ICA1L: variants seen among roughly 807,000 people sequenced by gnomAD.
The protein encoded by ICA1L is islet cell autoantigen 1 like, also known as islet cell autoantigen 1-like protein.
In ICA1L, 50 loss-of-function variants were observed where a neutral mutation model predicts 61.3. The ratio of observed to expected loss-of-function variants is 0.82; its 90% CI spans 0.65 to 1.03. The LOEUF (loss-of-function observed/expected upper bound fraction) is 1.03. ICA1L is among the 50% of genes least tolerant of loss of function. The probability of loss-of-function intolerance (pLI) is 0.00; values close to 1 mark genes in which losing one functional copy is unlikely to be tolerated. For synonymous variants in ICA1L, 161 were observed against 191.3 expected, an observed-to-expected ratio of 0.84 and a Z score of 1.31; for missense variants, 508 against 556.7, an observed-to-expected ratio of 0.91 and a Z score of 0.88.
chr2:202,828,586 G>C (rs1211428875), intron 2 of ICA1L, among the ~76,000 whole-genome samples: 1 of 152,130 alleles, frequency 6.6e-6, no homozygotes, highest in African/African-American at 2.4e-5. Flanking sequence ...TTAAGACTTA[G>C]CTTGAAAACT....
Position 202,815,930 on chromosome 2 carries a change from T to C in ICA1L, c.764A>G (p.Tyr255Cys). The C allele has an allele frequency of 1.3e-6, 2 of 1,592,106 alleles. No individual in the cohort carries two copies. Among genetic ancestry groups the C allele is most frequent in the Non-Finnish European group, 1.7e-6 (2 of 1,170,572 alleles). Residue 255 changes from tyrosine to cysteine, a missense_variant, in exon 7 of 13, where the codon TAT (tyrosine) becomes TGT (cysteine). By Grantham distance (194) the Tyr-to-Cys change is radical. Coordinates refer to ENST00000358299, the MANE Select transcript of ICA1L (RefSeq NM_001288622.3). Reference sequence around the variant, plus strand: ...ATGTACCTTGAGAGCTACAAAATCATACGGATGAAAGCCAATACAGGCTTC... The same window carrying C: ...ATGTACCTTGAGAGCTACAAAATCACACGGATGAAAGCCAATACAGGCTTC... ...IHEACIGFHP[Y>C]DFVALKQLQD...
rs1336066562 is a variant in ICA1L, at chr2:202,775,714, T to A, written c.*3819A>T. 1 of 152,262 alleles carries A rather than the reference T, an allele frequency of 6.6e-6. No homozygotes were observed. Among genetic ancestry groups the A allele is most frequent in the African/African-American group, 2.4e-5 (1 of 41,460 alleles). The allele number at this position is 152,262 out of a possible 1,614,324, so 9.4% of individuals were successfully genotyped here. A position where few individuals can be genotyped will look rare whatever the true frequency, so the allele number is the denominator to read the frequency against. ...TTATATTTTTCATAGAGATGGGGTT[T>A]CACCATGTTGGCCAGGGTGGTCTCA... On this transcript the variant is annotated 3_prime_UTR_variant, in exon 13 of 13. Coordinates refer to ENST00000358299, the MANE Select transcript of ICA1L (RefSeq NM_001288622.3).
chr2:202,778,826 G>A lies in ICA1L; in HGVS notation c.*707C>T, dbSNP rs1227996210. 6.6e-6 allele frequency: 1 copy of A among 152,632 alleles called. No individual in the cohort carries two copies. Among genetic ancestry groups the A allele is most frequent in the South Asian group, 2.1e-4 (1 of 4,822 alleles). 9.5% of individuals were successfully genotyped at this position (152,632 alleles called of 1,614,324 possible). On this transcript the variant is annotated 3_prime_UTR_variant, in exon 13 of 13. Coordinates refer to ENST00000358299, the MANE Select transcript of ICA1L (RefSeq NM_001288622.3). Reference sequence around the variant, plus strand: ...GAAGATAGATTTTTCTGTTTCTGCAGAGGATGGGCTTAGCAAATTAATTAT... The same window carrying A: ...GAAGATAGATTTTTCTGTTTCTGCAAAGGATGGGCTTAGCAAATTAATTAT...
At position 202,774,187 on chromosome 2, in the gene ICA1L, C is replaced by G; in HGVS notation, c.*5346G>C. ...TGAGCGGCTTCTTGGAGAGCGGGCA[C>G]ACCAGGAACTCCAGCAGCGCCGGAT... On this transcript the variant is annotated 3_prime_UTR_variant, in exon 13 of 13. Coordinates refer to ENST00000358299, the MANE Select transcript of ICA1L (RefSeq NM_001288622.3). 19 of 1,550,932 alleles carry G rather than the reference C, an allele frequency of 1.2e-5. No individual in the cohort carries two copies. Among genetic ancestry groups the G allele is most frequent in the Non-Finnish European group, 1.7e-5 (19 of 1,146,474 alleles).
intron 1 of ICA1L, among the ~76,000 whole-genome samples, chr2:202,857,005 T>TGCAAAGATACAAACAAA (rs1694786648): frequency 2.0e-5 from 3 of 152,188 alleles, no homozygotes; most frequent in Admixed American, 6.5e-5. Context: ...TGCAAAGACA[T>TGCAAAGATACAAACAAA]TCCAAGCTCA....
At chr2:202,797,116 T>C (rs1295129090) in intron 9 of ICA1L, 152 bp from the exon 10 acceptor site, 3 of 484,874 alleles carry the variant, frequency 6.2e-6, no homozygotes, top group Middle Eastern at 5.7e-4. Context: ...AATAATCTTA[T>C]ATATAAAAAT....
intron 1 of ICA1L, among the ~76,000 whole-genome samples, chr2:202,863,381 G>A (rs1164988672): frequency 6.6e-6 from 1 of 151,920 alleles, no homozygotes; most frequent in Non-Finnish European, 1.5e-5. Context: ...ACCCCAAGTA[G>A]AAGAAATAAA....
intron 1 of ICA1L, chr2:202,841,011 T>C (rs759084598): frequency 7.5e-6 from 5 of 669,414 alleles, no homozygotes; most frequent in Admixed American, 5.4e-5. Flanking sequence ...GATGATGCTG[T>C]CCATGTCCAG....
In ICA1L at chr2:202,844,528, C is replaced by T. The variant is rs756469069; in HGVS notation, c.-7-15512G>A. On this transcript the variant is annotated intron_variant, in intron 1 of 12. Transcript: ENST00000358299. ...GTGAGAGCCAAATAATCTTCATAACCGAGCACTAAAATTAAATTCAACAAG... is the reference window on the plus strand; with the variant it reads ...GTGAGAGCCAAATAATCTTCATAACTGAGCACTAAAATTAAATTCAACAAG... The T allele has an allele frequency of 3.9e-5, 6 of 152,170 alleles. No homozygotes were observed. In the East Asian group the frequency reaches 5.8e-4, roughly 15 times the overall value. The allele number at this position is 152,170 out of a possible 1,614,324, so 9.4% of individuals were successfully genotyped here. A position where few individuals can be genotyped will look rare whatever the true frequency, so the allele number is the denominator to read the frequency against.
intron 1 of ICA1L, among the ~76,000 whole-genome samples, chr2:202,847,681 ATAT>A (rs1439589353): frequency 7.2e-6 from 1 of 139,572 alleles, no homozygotes; most frequent in African/African-American, 2.5e-5. Context: ...TTAGAATGAA[ATAT>A]TATATGGGAA....
chr2:202,846,890 G>C (rs181689012), intron 1 of ICA1L, among the ~76,000 whole-genome samples: 15 of 152,302 alleles, frequency 9.8e-5, no homozygotes, highest in African/African-American at 3.4e-4. Context: ...TAAATCACAT[G>C]AACTTTATTT....
chr2:202,835,594 C>T (rs140660549), intron 1 of ICA1L, among the ~76,000 whole-genome samples: 53 of 151,070 alleles, frequency 3.5e-4, no homozygotes, highest in Admixed American at 1.1e-3. Flanking sequence ...TTACCCAGGC[C>T]GGAGTGCAAT....
At chr2:202,855,444 T>C (rs1182066491) in intron 1 of ICA1L, among the ~76,000 whole-genome samples, 1 of 151,824 alleles carries the variant, frequency 6.6e-6, no homozygotes, top group African/African-American at 2.4e-5. Flanking sequence ...AAAAAAATAA[T>C]AAAGGGATAT....
chr2:202,824,157 C>T (rs1368512113), intron 3 of ICA1L, among the ~76,000 whole-genome samples: 1 of 152,074 alleles, frequency 6.6e-6, no homozygotes, highest in African/African-American at 2.4e-5. Context: ...AATCCCAACA[C>T]TTTGGGAGGC....
intron 1 of ICA1L, among the ~76,000 whole-genome samples, chr2:202,856,969 A>C (rs578078671): frequency 6.6e-6 from 1 of 152,354 alleles, no homozygotes; most frequent in Admixed American, 6.5e-5. Context: ...CCACTGCTCA[A>C]GGAAATAAGA....
intron 6 of ICA1L, among the ~76,000 whole-genome samples, chr2:202,816,696 C>A (rs1406690161): frequency 6.6e-6 from 1 of 152,198 alleles, no homozygotes; most frequent in Non-Finnish European, 1.5e-5. Flanking sequence ...CTGAAATAGG[C>A]AGACTCCCTA....
chr2:202,802,195 A>G (rs1693103394), intron 9 of ICA1L, among the ~76,000 whole-genome samples: 1 of 152,244 alleles, frequency 6.6e-6, no homozygotes, highest in East Asian at 1.9e-4. Context: ...CGATGTATAC[A>G]TTAAACAGTA....
In ICA1L at chr2:202,788,837, C is replaced by T. The variant is rs771516458; in HGVS notation, c.1236G>A (p.Ala412=). 6.2e-6 allele frequency: 10 copies of T among 1,613,776 alleles called. No homozygotes were observed. Among genetic ancestry groups the T allele is most frequent in the East Asian group, 2.2e-5 (1 of 44,890 alleles). ...LFDLGFHVAG[A]FNNWVSQEES... The stretch of plus-strand genomic sequence containing the variant: ...TGTTTCATAGACACTTACTGTTGAA[C>T]GCTCCAGCCACATGAAAGCCAAGGT... The change falls in exon 11 of 13, where the codon GCG becomes GCA. Residue 412 remains alanine (A), a synonymous_variant. Transcript: ENST00000358299.
intron 1 of ICA1L, among the ~76,000 whole-genome samples, chr2:202,852,526 C>T (rs1371931643): frequency 1.3e-5 from 2 of 151,292 alleles, no homozygotes; most frequent in African/African-American, 4.9e-5. Flanking sequence ...AAAAAATTAC[C>T]GGGCGTGGTG....
Sources: allele counts gnomAD v4.1 joint callset (sites outside exome capture counted in the v4.1 genomes callset), GRCh38; gene constraint gnomAD v4.1.1; transcripts MANE v1.5; gene names NCBI Gene and HGNC (gene_info 2026-07-23, HGNC 2026-07-21).